Variants in TNNI3K observed in about 807,000 individuals in gnomAD.
TNNI3K encodes the protein serine/threonine-protein kinase TNNI3K.
TNNI3K carries 140 observed loss-of-function variants against 114.5 expected under a neutral mutation model. The observed-to-expected ratio is 1.22, with a 90% CI of 1.07 to 1.41. TNNI3K has a LOEUF of 1.41. Ranked by LOEUF, TNNI3K falls within the 40% of genes most tolerant of loss-of-function variation. The pLI is 0.00. For missense variants in TNNI3K, 1,125 were observed against 1,007.6 expected (o/e 1.12, Z -1.58); for synonymous variants, 347 against 347.5 (o/e 1.00, Z 0.02).
intron 7 of TNNI3K, among the ~76,000 whole-genome samples, chr1:74,337,779 A>G (rs1021255830): frequency 6.6e-5 from 10 of 152,036 alleles, no homozygotes; most frequent in Non-Finnish European, 1.5e-5. Flanking sequence ...TTATTGCTAT[A>G]TATAGTTTTG....
chr1:74,506,961 G>A (rs537467866), intron 23 of TNNI3K, among the ~76,000 whole-genome samples: 94 of 152,038 alleles, frequency 6.2e-4, no homozygotes, highest in African/African-American at 2.2e-3. Context: ...GTTTCTTGAG[G>A]GGGAGAGCCA....
intron 17 of TNNI3K, among the ~76,000 whole-genome samples, chr1:74,429,953 C>CA (rs1665815192): frequency 1.3e-5 from 2 of 152,180 alleles, no homozygotes; most frequent in South Asian, 4.1e-4. Context: ...GTCATCTCTT[C>CA]AAATAAGGAC....
At chr1:74,533,649 C>A (rs1646621403) in intron 23 of TNNI3K, among the ~76,000 whole-genome samples, 1 of 151,954 alleles carries the variant, frequency 6.6e-6, no homozygotes, top group Non-Finnish European at 1.5e-5. Context: ...ATAGCAAAGA[C>A]TTGGAACCAA....
intron 23 of TNNI3K, 49 bp downstream of exon 23, chr1:74,492,315 C>T (rs1326698039): frequency 7.1e-7 from 1 of 1,417,280 alleles, no homozygotes; most frequent in Non-Finnish European, 9.4e-7. Context: ...ATTTCAGAAT[C>T]TTATCAAGAC....
intron 23 of TNNI3K, among the ~76,000 whole-genome samples, chr1:74,511,445 T>G (rs1670218090): frequency 6.6e-6 from 1 of 152,192 alleles, no homozygotes. Flanking sequence ...TAATTCACTC[T>G]TATTTTCTTT....
rs371412309 is a variant in TNNI3K, at chr1:74,544,034, G to A, written c.*52G>A. On this transcript the variant is annotated 3_prime_UTR_variant, in exon 25 of 25. Transcript: ENST00000326637. ...GTTTTTTCCCCGAACTGACAGCAAC[G>A]ATTCCAACCACGGCAAGCTGGCTTC... The A allele has an allele frequency of 7.6e-6, 12 of 1,578,022 alleles. No homozygotes were observed. Among genetic ancestry groups the A allele is most frequent in the Middle Eastern group, 1.7e-4 (1 of 6,000 alleles).
At chr1:74,271,515 G>T (rs1656345126) in intron 4 of TNNI3K, 83 bp from the exon 5 acceptor site, 9 of 1,333,984 alleles carry the variant, frequency 6.7e-6, no homozygotes, top group Non-Finnish European at 9.2e-6. Flanking sequence ...TGGCTGATAG[G>T]CAGAAAATCA....
intron 17 of TNNI3K, among the ~76,000 whole-genome samples, chr1:74,434,931 T>G: frequency 6.6e-6 from 1 of 152,072 alleles, no homozygotes; most frequent in South Asian, 2.1e-4. Context: ...CAATATCATA[T>G]TGGACTCACT....
intron 11 of TNNI3K, among the ~76,000 whole-genome samples, chr1:74,358,268 A>G (rs955725123): frequency 6.6e-6 from 1 of 152,162 alleles, no homozygotes. Flanking sequence ...CAATATTTGT[A>G]TACAGCAAAG....
chr1:74,243,448 C>T (rs987435006), intron 2 of TNNI3K, among the ~76,000 whole-genome samples: 2 of 152,156 alleles, frequency 1.3e-5, no homozygotes, highest in African/African-American at 4.8e-5. Flanking sequence ...AAAATCCTTA[C>T]CTTCTTTCTA....
intron 17 of TNNI3K, among the ~76,000 whole-genome samples, chr1:74,433,505 C>CAAATCCAAGACA (rs1319920539): frequency 6.6e-6 from 1 of 152,128 alleles, no homozygotes; most frequent in Non-Finnish European, 1.5e-5. Flanking sequence ...AAGGAGTGGA[C>CAAATCCAAGACA]AAATCCAAGA....
intron 5 of TNNI3K, among the ~76,000 whole-genome samples, chr1:74,309,849 A>T (rs1658881132): frequency 6.6e-6 from 1 of 152,178 alleles, no homozygotes; most frequent in African/African-American, 2.4e-5. Context: ...ATTACCCAAC[A>T]TCATACTGAA....
At chr1:74,521,371 A>G (rs1482972221) in intron 23 of TNNI3K, among the ~76,000 whole-genome samples, 2 of 152,152 alleles carry the variant, frequency 1.3e-5, no homozygotes, top group Non-Finnish European at 2.9e-5. Context: ...CAAACTATGT[A>G]AGTCACTTAA....
intron 21 of TNNI3K, chr1:74,464,730 T>A: frequency 6.3e-7 from 1 of 1,580,672 alleles, no homozygotes; most frequent in South Asian, 1.2e-5. Context: ...GGATTGAGTA[T>A]CTCAGAAGAT....
intron 23 of TNNI3K, among the ~76,000 whole-genome samples, chr1:74,500,155 TACCTCTTTATTTTAATTTCCA>T (rs1214649310): frequency 6.6e-6 from 1 of 152,014 alleles, no homozygotes; most frequent in East Asian, 1.9e-4. Flanking sequence ...ACCTCTATAA[TACCTCTTTATTTTAATTTCCA>T]GTATTTTATC....
At chr1:74,464,932 A>G in intron 21 of TNNI3K, 2 of 1,253,044 alleles carry the variant, frequency 1.6e-6, no homozygotes, top group Non-Finnish European at 2.0e-6. Flanking sequence ...AGTATTGCCT[A>G]TCAGTGCCTT....
intron 17 of TNNI3K, among the ~76,000 whole-genome samples, chr1:74,397,031 G>A (rs1192051055): frequency 1.3e-5 from 2 of 152,194 alleles, no homozygotes; most frequent in African/African-American, 4.8e-5. Flanking sequence ...GACCCTGAAG[G>A]CAGGGGAAAG....
intron 5 of TNNI3K, among the ~76,000 whole-genome samples, chr1:74,281,742 A>T (rs1233899418): frequency 6.6e-6 from 1 of 152,148 alleles, no homozygotes; most frequent in Non-Finnish European, 1.5e-5. Flanking sequence ...TATATAAAAC[A>T]TATTAAAAAT....
Position 74,495,011 on chromosome 1 carries a change from G to C in TNNI3K, c.2351+2745G>C, listed in dbSNP as rs1404527283. 2.6e-5 allele frequency among the ~76,000 whole-genome samples: 4 copies of C among 152,190 alleles called. No individual in the cohort carries two copies. The South Asian group carries it at 8.3e-4, about 31-fold the overall frequency. On this transcript the variant is annotated intron_variant, in intron 23 of 24. Transcript: ENST00000326637. The stretch of plus-strand genomic sequence containing the variant: ...CTTCTCTAGCCTTCAAGAATCTAGA[G>C]ATGTATACCACTACTAATTTTTCAA...
Sources: gnomAD v4.1 joint callset for allele counts (sites outside exome capture counted in the v4.1 genomes callset) on GRCh38, gnomAD v4.1.1 for gene constraint, MANE v1.5 for transcripts, NCBI Gene and HGNC (gene_info 2026-07-23, HGNC 2026-07-21) for gene names.